Variants in C12orf56 observed in about 807,000 individuals in gnomAD.
C12orf56 encodes the protein uncharacterized protein C12orf56.
C12orf56 carries 71 observed loss-of-function variants against 69.9 expected under a neutral mutation model. The observed-to-expected ratio is 1.02, with a 90% CI of 0.84 to 1.24. The LOEUF (loss-of-function observed/expected upper bound fraction) is 1.24, where lower values mean the gene tolerates loss of function less well. C12orf56 is among the 50% of genes most tolerant of loss of function. C12orf56 has a pLI of 0.00. For synonymous variants in C12orf56, 276 were observed against 274.1 expected (o/e 1.01, Z -0.07); for missense variants, 732 against 738.5 (o/e 0.99, Z 0.10).
rs1248651154 is a variant in C12orf56, at chr12:64,279,801, A to T, written c.1311-1998T>A. On this transcript the variant is annotated intron_variant, in intron 8 of 12. Coordinates refer to ENST00000543942, the MANE Select transcript of C12orf56 (RefSeq NM_001170633.2). Reference sequence around the variant, plus strand: ...TAATAATGTTTTATTCAGGCTATTTAAAATGGCCAATCTTACTTTGAGAAG... The same window carrying T: ...TAATAATGTTTTATTCAGGCTATTTTAAATGGCCAATCTTACTTTGAGAAG... 2.0e-5 allele frequency among the ~76,000 whole-genome samples: 3 copies of T among 152,356 alleles called. No individual in the cohort carries two copies. The East Asian group carries it at 5.8e-4, about 29-fold the overall frequency.
intron 2 of C12orf56, among the ~76,000 whole-genome samples, chr12:64,352,619 C>T (rs539395426): frequency 2.0e-5 from 3 of 152,218 alleles, no homozygotes; most frequent in South Asian, 2.1e-4. Context: ...GGATGAGCCT[C>T]GCCTCTTCAG....
chr12:64,390,260 A>C (rs577505294), intron 1 of C12orf56, 54 bp downstream of exon 1: 1 of 1,531,632 alleles, frequency 6.5e-7, no homozygotes, highest in South Asian at 1.2e-5. Flanking sequence ...TGGGGGCCCC[A>C]GCCGGGAGTT....
chr12:64,338,859 G>A (rs929268474), intron 2 of C12orf56: 1 of 728,046 alleles, frequency 1.4e-6, no homozygotes. Flanking sequence ...GAGGTGGGAG[G>A]AATGGGCAGA....
chr12:64,372,394 T>TTCC (rs1406305003), intron 1 of C12orf56, among the ~76,000 whole-genome samples: 2 of 152,238 alleles, frequency 1.3e-5, no homozygotes, highest in Non-Finnish European at 2.9e-5. Context: ...TTTGAAAGTA[T>TTCC]TCCATGGCAA....
At position 64,277,762 on chromosome 12, in the gene C12orf56, G is replaced by T; in HGVS notation, c.1352C>A (p.Pro451His). The T allele has an allele frequency of 4.4e-6, 7 of 1,601,976 alleles. No individual in the cohort carries two copies. Among genetic ancestry groups the T allele is most frequent in the Non-Finnish European group, 5.1e-6 (6 of 1,173,050 alleles). The change falls in exon 9 of 13, where the codon CCT becomes CAT. Residue 451 changes from proline (P) to histidine (H), a missense_variant. By Grantham distance (77) the Pro-to-His change is moderately conservative. Coordinates refer to ENST00000543942, the MANE Select transcript of C12orf56 (RefSeq NM_001170633.2). ...FNLLVILISE[P>H]QIPKSCPVFD... ...CACAGGACAAGATTTTGGAATCTGA[G>T]GCTCACTAATTAAAATTACCAAGAG... is the stretch of plus-strand genomic sequence containing the variant.
intron 6 of C12orf56, among the ~76,000 whole-genome samples, chr12:64,294,164 T>C (rs576289413): frequency 4.0e-5 from 6 of 151,672 alleles, no homozygotes; most frequent in Non-Finnish European, 8.8e-5. Flanking sequence ...ATAGCTACTA[T>C]TAAAAAAAAA....
chr12:64,354,063 A>G (rs906835790), intron 1 of C12orf56, among the ~76,000 whole-genome samples: 5 of 152,256 alleles, frequency 3.3e-5, no homozygotes, highest in African/African-American at 4.8e-5. Context: ...TTTTCTATGC[A>G]GGAGACAATG....
intron 9 of C12orf56, among the ~76,000 whole-genome samples, chr12:64,276,626 C>T (rs527840007): frequency 1.4e-4 from 22 of 152,156 alleles, no homozygotes; most frequent in African/African-American, 4.6e-4. Context: ...AGGCAGGGGT[C>T]GTGTCTGTTT....
chr12:64,307,474 A>G (rs768649395), intron 5 of C12orf56, among the ~76,000 whole-genome samples: 1 of 150,834 alleles, frequency 6.6e-6, no homozygotes, highest in Admixed American at 6.7e-5. Context: ...GGTTCAAGCA[A>G]TTCTCCTACC....
At chr12:64,333,051 G>A (rs1025355082) in intron 2 of C12orf56, among the ~76,000 whole-genome samples, 26 of 152,184 alleles carry the variant, frequency 1.7e-4, no homozygotes, top group Non-Finnish European at 1.8e-4. Context: ...GGTACAAAAT[G>A]TGATGCAAAT....
Position 64,277,649 on chromosome 12 carries a change from T to C in C12orf56, c.1434+31A>G. On this transcript the variant is annotated intron_variant, in intron 9 of 12. Coordinates refer to ENST00000543942, the MANE Select transcript of C12orf56 (RefSeq NM_001170633.2). ...CAGGGCCCCTATATATATATATATA[T>C]AATAGTTTACCCCCCAAATTCTCAT... 3 of 1,391,188 alleles carry C rather than the reference T, an allele frequency of 2.2e-6. No individual in the cohort carries two copies. The South Asian group carries it at 5.1e-5, about 24-fold the overall frequency. 86.2% of individuals were successfully genotyped at this position (1,391,188 alleles called of 1,614,324 possible).
At chr12:64,357,776 C>T (rs557178584) in intron 1 of C12orf56, among the ~76,000 whole-genome samples, 1 of 152,148 alleles carries the variant, frequency 6.6e-6, no homozygotes, top group East Asian at 1.9e-4. Flanking sequence ...TGGCAAGTGC[C>T]TGTAATCCCA....
intron 1 of C12orf56, among the ~76,000 whole-genome samples, chr12:64,381,184 T>C (rs1006445018): frequency 2.0e-5 from 3 of 151,958 alleles, no homozygotes; most frequent in Non-Finnish European, 2.9e-5. Context: ...GATGAAATCA[T>C]AGGGAGCCAA....
intron 1 of C12orf56, among the ~76,000 whole-genome samples, chr12:64,368,093 C>A (rs1244307731): frequency 1.3e-5 from 2 of 152,086 alleles, no homozygotes; most frequent in African/African-American, 4.8e-5. Context: ...GAGGTGTGAG[C>A]CACTGCGCCT....
intron 12 of C12orf56, 114 bp downstream of exon 12, chr12:64,270,422 A>C: frequency 1.0e-6 from 1 of 989,822 alleles, no homozygotes; most frequent in Admixed American, 3.4e-5. Flanking sequence ...ACAAACAAAA[A>C]AGAATTCCTG....
In C12orf56 at chr12:64,331,016, G is replaced by A. The variant is rs370367135; in HGVS notation, c.432C>T (p.Asn144=). Residue 144 remains asparagine (N), a synonymous_variant, in exon 3 of 13, where the codon AAC becomes AAT. Transcript: ENST00000543942. Reference sequence around the variant, plus strand: ...CTTTGCTTCTCCAAAAGGCAAGGCCGTTCTTTTCTTCCTTGACTTAAAAAA... The same window carrying A: ...CTTTGCTTCTCCAAAAGGCAAGGCCATTCTTTTCTTCCTTGACTTAAAAAA... ...ANNKKVKEEK[N]GLAFWRSKES... The A allele has an allele frequency of 4.1e-4, 640 of 1,546,452 alleles. No individual in the cohort carries two copies. The highest frequency in any genetic ancestry group is 5.4e-4 in the Admixed American group (27 of 50,312).
chr12:64,285,609 G>A (rs951330081), intron 7 of C12orf56, among the ~76,000 whole-genome samples: 1 of 152,126 alleles, frequency 6.6e-6, no homozygotes, highest in South Asian at 2.1e-4. Flanking sequence ...CCAATGTGGT[G>A]AAACCCCGTT....
chr12:64,310,875 C>A (rs1444364011), intron 5 of C12orf56, among the ~76,000 whole-genome samples: 3 of 151,948 alleles, frequency 2.0e-5, no homozygotes, highest in African/African-American at 7.3e-5. Flanking sequence ...CCCCTTCCCC[C>A]ACCCCACAAC....
At chr12:64,335,292 T>A (rs1466676537) in intron 2 of C12orf56, among the ~76,000 whole-genome samples, 1 of 151,960 alleles carries the variant, frequency 6.6e-6, no homozygotes, top group Non-Finnish European at 1.5e-5. Flanking sequence ...GGCAGGCGTC[T>A]GTAATCCCAG....
Sources: allele counts gnomAD v4.1 joint callset (sites outside exome capture counted in the v4.1 genomes callset), GRCh38; gene constraint gnomAD v4.1.1; transcripts MANE v1.5; gene names NCBI Gene and HGNC (gene_info 2026-07-23, HGNC 2026-07-21).